Variants in ARB2A observed in about 807,000 individuals in gnomAD.
The protein encoded by ARB2A is ARB2 cotranscriptional regulator A.
the ARB2A span, chr5:93,734,380 A>G: frequency 6.6e-6 from 1 of 152,336 alleles, no homozygotes; most frequent in African/African-American, 2.4e-5. Context: ...CATTTGAAAA[A>G]GTGGCAAAAG....
At chr5:93,740,555 G>A in the ARB2A span, 5 of 1,571,096 alleles carry the variant, frequency 3.2e-6, no homozygotes, top group Admixed American at 3.5e-5. Context: ...CAACCGTGCC[G>A]TGAAGGGCAA....
the ARB2A span, among the ~76,000 whole-genome samples, chr5:93,835,821 T>A: frequency 6.6e-6 from 1 of 151,922 alleles, no homozygotes; most frequent in African/African-American, 2.4e-5. Context: ...CTGGAGAAAT[T>A]ACACTAATAT....
chr5:93,703,047 C>T, the ARB2A span, among the ~76,000 whole-genome samples: 1 of 152,146 alleles, frequency 6.6e-6, no homozygotes, highest in Non-Finnish European at 1.5e-5. Flanking sequence ...ACCACAATCA[C>T]TCCCATATAG....
chr5:93,710,207 G>A, the ARB2A span, among the ~76,000 whole-genome samples: 3 of 152,162 alleles, frequency 2.0e-5, no homozygotes, highest in African/African-American at 2.4e-5. Context: ...CTATGGGCCC[G>A]ATATAAATGG....
the ARB2A span, among the ~76,000 whole-genome samples, chr5:93,966,074 T>C: frequency 1.3e-5 from 2 of 152,044 alleles, no homozygotes; most frequent in Non-Finnish European, 2.9e-5. Flanking sequence ...AGTGGTACTG[T>C]AGACTTATAA....
At chr5:93,907,828 T>A in the ARB2A span, among the ~76,000 whole-genome samples, 1 of 151,388 alleles carries the variant, frequency 6.6e-6, no homozygotes. Flanking sequence ...ACATGTATCA[T>A]GGCCAATTTT....
the ARB2A span, chr5:93,738,096 C>T: frequency 4.6e-6 from 1 of 216,026 alleles, no homozygotes; most frequent in African/African-American, 2.4e-5. Context: ...TATCCAGACT[C>T]TATGAAGAAA....
chr5:93,710,319 T>C, the ARB2A span, among the ~76,000 whole-genome samples: 1 of 152,230 alleles, frequency 6.6e-6, no homozygotes, highest in African/African-American at 2.4e-5. Flanking sequence ...TTTTAACTTC[T>C]TTGGGAAAAC....
the ARB2A span, among the ~76,000 whole-genome samples, chr5:93,931,881 T>C: frequency 3.3e-5 from 5 of 152,196 alleles, no homozygotes; most frequent in Non-Finnish European, 7.3e-5. Context: ...ATTATATAGT[T>C]TGTACTCTTT....
the ARB2A span, among the ~76,000 whole-genome samples, chr5:93,943,632 T>G: frequency 6.6e-6 from 1 of 152,190 alleles, no homozygotes; most frequent in Admixed American, 6.5e-5. Flanking sequence ...AATCTTCCTG[T>G]CACCAAGTTT....
At chr5:93,737,885 T>C in the ARB2A span, 3 of 439,968 alleles carry the variant, frequency 6.8e-6, no homozygotes, top group South Asian at 3.3e-5. Context: ...GTAAAATTCA[T>C]AGAAGAAAAC....
At chr5:93,881,398 A>G in the ARB2A span, 1 of 1,141,942 alleles carries the variant, frequency 8.8e-7, no homozygotes, top group Non-Finnish European at 1.2e-6. Flanking sequence ...GAAGAAAAAC[A>G]AAACAATCTA....
the ARB2A span, chr5:93,911,001 G>A: frequency 6.6e-6 from 1 of 151,446 alleles, no homozygotes; most frequent in Non-Finnish European, 1.5e-5. Context: ...TGTAAGATAA[G>A]TAATACTGAC....
At chr5:93,909,059 C>T in the ARB2A span, among the ~76,000 whole-genome samples, 21 of 150,838 alleles carry the variant, frequency 1.4e-4, no homozygotes, top group African/African-American at 4.6e-4. Context: ...AAAAGAAAGC[C>T]ACACTGATAG....
the ARB2A span, among the ~76,000 whole-genome samples, chr5:93,945,286 T>C: frequency 3.9e-5 from 6 of 152,002 alleles, no homozygotes; most frequent in Non-Finnish European, 7.4e-5. Context: ...TGGTGGCAGG[T>C]GCCTGTAATC....
At chr5:93,683,660 C>A in the ARB2A span, 2 of 1,602,894 alleles carry the variant, frequency 1.2e-6, no homozygotes, top group Non-Finnish European at 1.7e-6. Context: ...AGTTCACAAC[C>A]GAAAAGATAG....
chr5:93,770,241 G>C, the ARB2A span, among the ~76,000 whole-genome samples: 1 of 151,996 alleles, frequency 6.6e-6, no homozygotes, highest in African/African-American at 2.4e-5. Flanking sequence ...GTTTAAGCCT[G>C]GACAAAATTC....
At chr5:94,061,564 A>G in the ARB2A span, among the ~76,000 whole-genome samples, 1 of 152,230 alleles carries the variant, frequency 6.6e-6, no homozygotes, top group Non-Finnish European at 1.5e-5. Context: ...AATCCATAAA[A>G]GAATCTCCTA....
At chr5:93,636,828 G>C in the ARB2A span, among the ~76,000 whole-genome samples, 1 of 152,104 alleles carries the variant, frequency 6.6e-6, no homozygotes, top group African/African-American at 2.4e-5. Flanking sequence ...TCATATATTA[G>C]ACTCATTTAT....
Sources: allele counts gnomAD v4.1 joint callset (sites outside exome capture counted in the v4.1 genomes callset), GRCh38; gene constraint gnomAD v4.1.1; transcripts MANE v1.5; gene names NCBI Gene and HGNC (gene_info 2026-07-23, HGNC 2026-07-21).